Variants in PTPRB observed in about 807,000 individuals in gnomAD.
The protein encoded by PTPRB is protein tyrosine phosphatase receptor type B, also known as receptor-type tyrosine-protein phosphatase beta.
In PTPRB, 97 loss-of-function variants were observed where a neutral mutation model predicts 238.1. That is an observed-to-expected ratio of 0.41 (90% CI 0.35 to 0.48). The LOEUF (loss-of-function observed/expected upper bound fraction) is 0.48, where lower values mean the gene tolerates loss of function less well. Ranked by LOEUF, PTPRB falls within the 20% of genes least tolerant of loss-of-function variation. The probability of loss-of-function intolerance (pLI) is 0.30; values close to 1 mark genes in which losing one functional copy is unlikely to be tolerated. For synonymous variants in PTPRB, 970 were observed against 995.4 expected (o/e 0.97, Z 0.48); for missense variants, 2,292 against 2,681.9 (o/e 0.85, Z 3.21).
chr12:70,601,023 A>G (rs1237584681), intron 4 of PTPRB, among the ~76,000 whole-genome samples: 4 of 151,978 alleles, frequency 2.6e-5, no homozygotes, highest in African/African-American at 9.7e-5. Flanking sequence ...GCCTGCCACC[A>G]CGCCCAGCTA....
At chr12:70,539,565 T>G in intron 26 of PTPRB, 60 bp downstream of exon 26, 2 of 1,325,372 alleles carry the variant, frequency 1.5e-6, no homozygotes, top group Non-Finnish European at 1.1e-6. Flanking sequence ...CAGTAAACAT[T>G]AGGAAGGAAA....
At chr12:70,601,758 T>C (rs1883507876) in intron 4 of PTPRB, among the ~76,000 whole-genome samples, 1 of 151,826 alleles carries the variant, frequency 6.6e-6, no homozygotes, top group Middle Eastern at 3.2e-3. Flanking sequence ...TTAAATACAT[T>C]TCTAGAGAGG....
chr12:70,524,489 T>A lies in PTPRB; in HGVS notation c.6607A>T (p.Asn2203Tyr). The A allele has an allele frequency of 1.9e-6, 3 of 1,611,780 alleles. No homozygotes were observed. Among genetic ancestry groups the A allele is most frequent in the Non-Finnish European group, 2.5e-6 (3 of 1,178,862 alleles). ...TGCCCACCTCTGTGATACTCTGGAT[T>A]CACATTTTCATAGATTGGAAACAAG... ...NPLFPIYENVNPEYHRDPVYS... is the reference protein window; with the variant it reads ...NPLFPIYENVYPEYHRDPVYS... The change falls in exon 33 of 34, where the codon AAT becomes TAT. Residue 2203 changes from asparagine (N) to tyrosine (Y), a missense_variant. Coordinates refer to ENST00000334414, the MANE Select transcript of PTPRB (RefSeq NM_001109754.4).
chr12:70,540,051 C>T, intron 23 of PTPRB, 29 bp from the exon 24 acceptor site: 2 of 1,555,480 alleles, frequency 1.3e-6, no homozygotes, highest in East Asian at 4.5e-5. Flanking sequence ...AACTTTTATT[C>T]TGATTATGAT....
chr12:70,622,545 T>A lies in PTPRB; in HGVS notation c.553A>T (p.Ile185Phe). ...ATGAAGGCCTCTGTGGTATTCCTAA[T>A]AAGGAATACCAGGCCATCTGGAACT... ...NAVPDGLVFL[I>F]RNTTEAFIRN... is the part of the protein sequence containing the mutation. Residue 185 changes from isoleucine to phenylalanine, a missense_variant, in exon 3 of 34, where the codon ATT (isoleucine) becomes TTT (phenylalanine). Transcript: ENST00000334414. 1 of 1,609,534 alleles carries A rather than the reference T, an allele frequency of 6.2e-7. No individual in the cohort carries two copies. The highest frequency in any genetic ancestry group is 1.1e-5 in the South Asian group (1 of 90,532).
Position 70,540,857 on chromosome 12 carries a change from C to A in PTPRB, c.5594+1G>T. 2 of 1,592,988 alleles carry A rather than the reference C, an allele frequency of 1.3e-6. No homozygotes were observed. The highest frequency in any genetic ancestry group is 1.7e-6 in the Non-Finnish European group (2 of 1,169,026). ...ATCACCAAAAGGATCTTTGTACTTA[C>A]CTCACTTTCTGTCTGCAGATCAATA... On this transcript the variant is annotated splice_donor_variant, in intron 23 of 33. Transcript: ENST00000334414. LOFTEE classifies it high-confidence loss of function.
In PTPRB at chr12:70,592,253, C is replaced by G. The variant is rs774177347; in HGVS notation, c.1780+29G>C. On this transcript the variant is annotated intron_variant, in intron 7 of 33. Coordinates refer to ENST00000334414, the MANE Select transcript of PTPRB (RefSeq NM_001109754.4). Reference sequence around the variant, plus strand: ...TGGATCAGAGAGTGATTTGAGCAACCAAGGAACATTCTGGAGCCCAAGACT... The same window carrying G: ...TGGATCAGAGAGTGATTTGAGCAACGAAGGAACATTCTGGAGCCCAAGACT... 12 of 1,613,680 alleles carry G rather than the reference C, an allele frequency of 7.4e-6. No individual in the cohort carries two copies. The East Asian group carries it at 2.5e-4, about 33-fold the overall frequency.
rs774088148 is a variant in PTPRB, at chr12:70,622,595, GGTGGAGCC to G, written c.495_502del (p.Ala166ProfsTer7). The G allele has an allele frequency of 6.3e-7, 1 of 1,589,612 alleles. No homozygotes were observed. Among genetic ancestry groups the G allele is most frequent in the Non-Finnish European group, 8.6e-7 (1 of 1,166,860 alleles). On this transcript the variant is annotated frameshift_variant, in exon 3 of 34. Coordinates refer to ENST00000334414, the MANE Select transcript of PTPRB (RefSeq NM_001109754.4). LOFTEE classifies it high-confidence loss of function. ...TGCATTAAAGGTAGTGAGAATCTGG[GGTGGAGCC>G]GTGTTTCTAGTGCTCCTCACCGAAA... is the stretch of plus-strand genomic sequence containing the variant.
intron 2 of PTPRB, among the ~76,000 whole-genome samples, chr12:70,626,173 T>C (rs1057005950): frequency 1.3e-5 from 2 of 148,264 alleles, no homozygotes; most frequent in African/African-American, 5.3e-5. Context: ...ACTATACTGG[T>C]ACTTTCTATT....
chr12:70,562,694 G>T, intron 16 of PTPRB, 150 bp downstream of exon 16: 2 of 954,244 alleles, frequency 2.1e-6, no homozygotes, highest in Non-Finnish European at 1.5e-6. Flanking sequence ...AATCAAAGGT[G>T]CGATTTAGGG....
At chr12:70,534,987 C>A (rs1176215241) in intron 29 of PTPRB, 32 bp from the exon 30 acceptor site, 2 of 1,589,768 alleles carry the variant, frequency 1.3e-6, no homozygotes, top group African/African-American at 1.4e-5. Context: ...AAACATGAGT[C>A]CGGAAAAGTG....
rs724159877 is a variant in PTPRB, at chr12:70,560,944, A to G, written c.4169-10T>C. On this transcript the variant is annotated splice_polypyrimidine_tract_variant and intron_variant, in intron 16 of 33. Coordinates refer to ENST00000334414, the MANE Select transcript of PTPRB (RefSeq NM_001109754.4). This position sits in a 1 kb window ranked among gnomAD's most constrained non-coding sequence, Gnocchi z 4.2. Reference sequence around the variant, plus strand: ...CTCACAGAGGCTGGGACTTAAACAGAAGAAAAATTGTTACTGAGAACAAAA... The same window carrying G: ...CTCACAGAGGCTGGGACTTAAACAGGAGAAAAATTGTTACTGAGAACAAAA... 2 of 1,608,680 alleles carry G rather than the reference A, an allele frequency of 1.2e-6. No individual in the cohort carries two copies. Among genetic ancestry groups the G allele is most frequent in the Non-Finnish European group, 1.7e-6 (2 of 1,175,996 alleles).
chr12:70,559,729 GGAA>G, intron 17 of PTPRB, 105 bp from the exon 18 acceptor site: 1 of 1,101,370 alleles, frequency 9.1e-7, no homozygotes, highest in Non-Finnish European at 1.3e-6. Flanking sequence ...GTACTTTGTA[GGAA>G]GAGATAATAT....
chr12:70,636,098 T>C, intron 1 of PTPRB, 32 bp from the exon 2 acceptor site: 1 of 1,534,018 alleles, frequency 6.5e-7, no homozygotes, highest in Non-Finnish European at 8.8e-7. Flanking sequence ...AAGCACTATG[T>C]AGCAAATTAT....
Position 70,596,460 on chromosome 12 carries a change from G to A in PTPRB, c.980-133C>T, listed in dbSNP as rs79967226. ...CCAGGTTCATTTTTCTCAAAAATCT[G>A]TTATTTGTGAAATAAATTGCCATTT... On this transcript the variant is annotated intron_variant, in intron 4 of 33. Coordinates refer to ENST00000334414, the MANE Select transcript of PTPRB (RefSeq NM_001109754.4). The A allele has an allele frequency of 2.7e-3, 2,748 of 1,011,556 alleles. 61 individuals are homozygous for A. In the South Asian group the frequency reaches 0.038, roughly 14 times the overall value. 62.7% of individuals were successfully genotyped at this position (1,011,556 alleles called of 1,614,324 possible).
chr12:70,603,020 GCAAA>G (rs1023500585), intron 4 of PTPRB, among the ~76,000 whole-genome samples: 4 of 149,904 alleles, frequency 2.7e-5, no homozygotes, highest in African/African-American at 9.9e-5. Context: ...GGAATGGAAG[GCAAA>G]CAGTTTTCCT....
At chr12:70,633,435 G>A (rs1885541360) in intron 2 of PTPRB, among the ~76,000 whole-genome samples, 1 of 151,870 alleles carries the variant, frequency 6.6e-6, no homozygotes, top group Non-Finnish European at 1.5e-5. Context: ...GCAAGACTTT[G>A]TTTCTAAAAA....
At chr12:70,530,527 CATATGTGT>C (rs1873079569) in intron 32 of PTPRB, among the ~76,000 whole-genome samples, 1 of 151,864 alleles carries the variant, frequency 6.6e-6, no homozygotes, top group Non-Finnish European at 1.5e-5. Context: ...TGTACACATA[CATATGTGT>C]ATATAAGTAT....
intron 22 of PTPRB, chr12:70,541,788 C>T (rs554852591): frequency 6.6e-6 from 1 of 152,098 alleles, no homozygotes; most frequent in Non-Finnish European, 1.5e-5. Context: ...TAGCATATAC[C>T]AAGATTTCAT....
Sources: gnomAD v4.1 joint callset for allele counts (sites outside exome capture counted in the v4.1 genomes callset) on GRCh38, gnomAD v4.1.1 for gene constraint, Gnocchi (gnomAD v3.1) non-coding constraint, MANE v1.5 for transcripts, NCBI Gene and HGNC (gene_info 2026-07-23, HGNC 2026-07-21) for gene names.